The following NOS1AP variants were observed in gnomAD, a reference collection of about 807,000 sequenced individuals.
NOS1AP encodes carboxyl-terminal PDZ ligand of neuronal nitric oxide synthase protein.
In NOS1AP, 21 loss-of-function variants were observed where a neutral mutation model predicts 56.2. The ratio of observed to expected loss-of-function variants is 0.37; its 90% confidence interval spans 0.26 to 0.54. The LOEUF is 0.54. NOS1AP is among the 20% of genes least tolerant of loss of function. The probability of loss-of-function intolerance (pLI) is 0.84; values close to 1 mark genes in which losing one functional copy is unlikely to be tolerated. For missense variants in NOS1AP, 522 were observed against 657.8 expected, an observed-to-expected ratio of 0.79 and a Z score of 2.26; for synonymous variants, 270 against 274.6, an observed-to-expected ratio of 0.98 and a Z score of 0.17.
At position 162,370,419 on chromosome 1, in the gene NOS1AP, C is replaced by T. The variant is rs1233070817; in HGVS notation, c.*2952C>T. 1 of 152,206 alleles carries T rather than the reference C, an allele frequency of 6.6e-6. No individual in the cohort carries two copies. The highest frequency in any genetic ancestry group is 1.5e-5 in the Non-Finnish European group (1 of 68,046). The allele number at this position is 152,206 out of a possible 1,614,324, so 9.4% of individuals were successfully genotyped here. A position where few individuals can be genotyped will look rare whatever the true frequency, so the allele number is the denominator to read the frequency against. On this transcript the variant is annotated 3_prime_UTR_variant, in exon 10 of 10. Transcript: ENST00000361897. The stretch of plus-strand genomic sequence containing the variant: ...TTCTGTTAATGTAAGTGCACTTACT[C>T]CCTGGATGTTGTCACTAGTCTAGTG...
intron 5 of NOS1AP, among the ~76,000 whole-genome samples, chr1:162,341,378 G>A (rs912103289): frequency 1.3e-5 from 2 of 152,116 alleles, no homozygotes; most frequent in Non-Finnish European, 2.9e-5. Flanking sequence ...TGAAACCGAC[G>A]GGAAAAGACT....
chr1:162,227,121 C>A (rs1652969979), intron 2 of NOS1AP, among the ~76,000 whole-genome samples: 2 of 152,148 alleles, frequency 1.3e-5, no homozygotes, highest in African/African-American at 4.8e-5. Context: ...AAAATTATCA[C>A]CCTTAATTCC....
chr1:162,205,023 G>A (rs189312227), intron 2 of NOS1AP, among the ~76,000 whole-genome samples: 35 of 152,302 alleles, frequency 2.3e-4, no homozygotes, highest in African/African-American at 7.0e-4. Flanking sequence ...CAAGCCATCT[G>A]AACTGTTTTG....
intron 1 of NOS1AP, among the ~76,000 whole-genome samples, chr1:162,115,519 C>T (rs1415259): frequency 0.54 from 82,163 of 151,922 alleles, 23,418 homozygotes; most frequent in Non-Finnish European, 0.64. Flanking sequence ...GAAATGTAAT[C>T]TGGGATGGTG....
rs148545434 is a variant in NOS1AP at position 162,333,563 on chromosome 1, T to C, written c.453+438T>C. Among the ~76,000 whole-genome samples, 3 of 152,272 alleles carry C rather than the reference T, an allele frequency of 2.0e-5. No individual in the cohort carries two copies. In the East Asian group the frequency reaches 5.8e-4, roughly 29 times the overall value. On this transcript the variant is annotated intron_variant, in intron 5 of 9. Transcript: ENST00000361897. ...GGGTGATTATTTGTTATGGCAACCT[T>C]GATACTCAAGTAAATGCAACTTTGA...
At chr1:162,160,401 A>G (rs1392588368) in intron 2 of NOS1AP, among the ~76,000 whole-genome samples, 1 of 152,216 alleles carries the variant, frequency 6.6e-6, no homozygotes, top group Admixed American at 6.5e-5. Flanking sequence ...AGAAAAATAT[A>G]AAATGGCCTT....
At chr1:162,260,890 C>T (rs1246254684) in intron 2 of NOS1AP, among the ~76,000 whole-genome samples, 17 of 151,850 alleles carry the variant, frequency 1.1e-4, no homozygotes, top group Non-Finnish European at 2.4e-4. Flanking sequence ...GGTGTGGTTA[C>T]AAGGTAATGA....
intron 2 of NOS1AP, among the ~76,000 whole-genome samples, chr1:162,172,923 T>C (rs1050345751): frequency 1.9e-4 from 8 of 41,554 alleles, no homozygotes; most frequent in African/African-American, 7.1e-4. Context: ...CCTTGCTCAA[T>C]AGGAGGTTTT....
At chr1:162,362,259 C>T (rs973957331) in intron 8 of NOS1AP, among the ~76,000 whole-genome samples, 27 of 151,906 alleles carry the variant, frequency 1.8e-4, no homozygotes, top group Non-Finnish European at 3.4e-4. Flanking sequence ...GAGACCAGCC[C>T]GGCCAACATG....
chr1:162,335,209 C>A (rs543586233), intron 5 of NOS1AP, among the ~76,000 whole-genome samples: 1 of 152,330 alleles, frequency 6.6e-6, no homozygotes, highest in South Asian at 2.1e-4. Flanking sequence ...ATACCGCTTT[C>A]ATCCTCACCT....
intron 1 of NOS1AP, among the ~76,000 whole-genome samples, chr1:162,080,753 C>T (rs1264774394): frequency 2.0e-5 from 3 of 152,158 alleles, no homozygotes; most frequent in Non-Finnish European, 4.4e-5. Context: ...AAGGGGACTC[C>T]CTAACTTACT....
intron 5 of NOS1AP, among the ~76,000 whole-genome samples, chr1:162,342,217 C>T (rs537583581): frequency 2.0e-5 from 3 of 152,302 alleles, no homozygotes; most frequent in Non-Finnish European, 4.4e-5. Context: ...CAGGATATTT[C>T]AGGTGAGAGA....
In NOS1AP at chr1:162,069,796, C is replaced by A; in HGVS notation, c.-382C>A. ...GCCACCGTCGCCTTTTCTTCTTCGTCCCGGGCGGTGCGTTCCACTGCTCTG... is the reference window on the plus strand; with the variant it reads ...GCCACCGTCGCCTTTTCTTCTTCGTACCGGGCGGTGCGTTCCACTGCTCTG... On this transcript the variant is annotated 5_prime_UTR_variant, in exon 1 of 10. Transcript: ENST00000361897. 1 of 154,710 alleles carries A rather than the reference C, an allele frequency of 6.5e-6. No homozygotes were observed. The highest frequency in any genetic ancestry group is 1.4e-5 in the Non-Finnish European group (1 of 69,652). 9.6% of individuals were successfully genotyped at this position (154,710 alleles called of 1,614,324 possible).
At chr1:162,076,264 C>T (rs895798913) in intron 1 of NOS1AP, among the ~76,000 whole-genome samples, 8 of 152,268 alleles carry the variant, frequency 5.3e-5, no homozygotes, top group Non-Finnish European at 7.4e-5. Flanking sequence ...TGCCCATGGC[C>T]GTTCCTTCCT....
intron 2 of NOS1AP, among the ~76,000 whole-genome samples, chr1:162,165,707 A>C (rs556852636): frequency 6.6e-6 from 1 of 152,266 alleles, no homozygotes; most frequent in Non-Finnish European, 1.5e-5. Flanking sequence ...ACCAAATGTC[A>C]GTCCAGGCAG....
At chr1:162,076,132 C>T (rs921600925) in intron 1 of NOS1AP, among the ~76,000 whole-genome samples, 4 of 152,128 alleles carry the variant, frequency 2.6e-5, no homozygotes, top group Admixed American at 6.6e-5. Flanking sequence ...AGAATGCTTT[C>T]GCTGGCTATA....
chr1:162,269,499 T>C (rs1018828649), intron 2 of NOS1AP, among the ~76,000 whole-genome samples: 4 of 152,350 alleles, frequency 2.6e-5, no homozygotes, highest in Admixed American at 6.5e-5. Context: ...TGAAAATTAA[T>C]CTTAATGTAA....
chr1:162,119,194 T>C (rs1002236753), intron 1 of NOS1AP, among the ~76,000 whole-genome samples: 3 of 152,118 alleles, frequency 2.0e-5, no homozygotes, highest in Admixed American at 6.5e-5. Flanking sequence ...TTGGGGTCCA[T>C]GGATGGGAAC....
intron 1 of NOS1AP, among the ~76,000 whole-genome samples, chr1:162,110,468 A>G (rs1055217828): frequency 1.3e-5 from 2 of 152,152 alleles, no homozygotes; most frequent in Non-Finnish European, 2.9e-5. Context: ...TCCTTACCTT[A>G]CCGGCTGTTA....
Sources: gnomAD v4.1 joint callset for allele counts (sites outside exome capture counted in the v4.1 genomes callset) on GRCh38, gnomAD v4.1.1 for gene constraint, MANE v1.5 for transcripts, NCBI Gene and HGNC (gene_info 2026-07-23, HGNC 2026-07-21) for gene names.